RGMA: variants seen among roughly 807,000 people sequenced by gnomAD.
The protein encoded by RGMA is repulsive guidance molecule A.
RGMA carries 10 observed loss-of-function variants against 23.2 expected under a neutral mutation model. The observed-to-expected ratio is 0.43, with a 90% confidence interval of 0.27 to 0.73. The LOEUF (loss-of-function observed/expected upper bound fraction) is 0.73. Among genes scored for constraint, RGMA ranks in the 30% least tolerant of loss-of-function variants. The pLI is 0.20. For missense variants in RGMA, 547 were observed against 630.5 expected, an observed-to-expected ratio of 0.87 and a Z score of 1.42; for synonymous variants, 308 against 279.3, an observed-to-expected ratio of 1.10 and a Z score of -1.03.
intron 1 of RGMA, among the ~76,000 whole-genome samples, chr15:93,080,681 G>A (rs574826205): frequency 6.6e-6 from 1 of 152,232 alleles, no homozygotes; most frequent in South Asian, 2.1e-4. Flanking sequence ...GGCTGGGCTG[G>A]GGCCTTCCTG....
At chr15:93,048,551 G>A (rs1172501351) in intron 3 of RGMA, among the ~76,000 whole-genome samples, 1 of 152,128 alleles carries the variant, frequency 6.6e-6, no homozygotes, top group Non-Finnish European at 1.5e-5. Context: ...CCTTCCTACA[G>A]GGGTCCCAGC....
rs1895366919 is a variant in RGMA, at chr15:93,072,633, T to A, written c.130+283A>T. ...AGGAGGCACGTTCCCAGCCACCCCC[T>A]TTCTCGGAAAAAGGGAAGGGAGTGA... is the stretch of plus-strand genomic sequence containing the variant. On this transcript the variant is annotated intron_variant, in intron 2 of 3. Coordinates refer to ENST00000329082, the MANE Select transcript of RGMA (RefSeq NM_020211.3). 2.6e-5 allele frequency among the ~76,000 whole-genome samples: 4 copies of A among 152,098 alleles called. No homozygotes were observed. In the South Asian group the frequency reaches 8.3e-4, roughly 32 times the overall value.
Position 93,052,446 on chromosome 15 carries a change from G to C in RGMA, c.192C>G (p.Ser64Arg). ...NSEFWSATSGSHAPASDDTPE... is the reference protein window; with the variant it reads ...NSEFWSATSGRHAPASDDTPE... The stretch of plus-strand genomic sequence containing the variant: ...GGGTGTCGTCTGAGGCTGGGGCGTG[G>C]CTGCCCGACGTGGCGCTCCAGAACT... Residue 64 changes from serine to arginine, a missense_variant, in exon 3 of 4, where the codon AGC becomes AGG. Transcript: ENST00000329082. The C allele has an allele frequency of 6.3e-7, 1 of 1,592,120 alleles. No individual in the cohort carries two copies. Among genetic ancestry groups the C allele is most frequent in the Non-Finnish European group, 8.5e-7 (1 of 1,174,936 alleles).
intron 1 of RGMA, 159 bp from the exon 2 acceptor site, chr15:93,073,190 T>G: frequency 3.3e-6 from 4 of 1,201,382 alleles, no homozygotes; most frequent in South Asian, 3.5e-5. Context: ...CGCGCGCCCC[T>G]CCCTCGCCAT....
chr15:93,057,480 G>C (rs1239091960), intron 2 of RGMA, among the ~76,000 whole-genome samples: 3 of 152,152 alleles, frequency 2.0e-5, no homozygotes, highest in Non-Finnish European at 4.4e-5. Flanking sequence ...CTGAGAGCCG[G>C]GAGGAGGGCC....
chr15:93,069,995 C>T (rs186838020), intron 2 of RGMA, among the ~76,000 whole-genome samples: 185 of 152,336 alleles, frequency 1.2e-3, no homozygotes, highest in Non-Finnish European at 2.3e-3. Context: ...TTTCTGGCCT[C>T]CCTTCCTAGG....
At position 93,089,107 on chromosome 15, in the gene RGMA, T is replaced by A; in HGVS notation, c.-175A>T. 2 of 357,458 alleles carry A rather than the reference T, an allele frequency of 5.6e-6. No individual in the cohort carries two copies. The highest frequency in any genetic ancestry group is 5.0e-6 in the Non-Finnish European group (1 of 201,586). The allele number at this position is 357,458 out of a possible 1,614,324, so 22.1% of individuals were successfully genotyped here. A position where few individuals can be genotyped will look rare whatever the true frequency, so the allele number is the denominator to read the frequency against. Reference sequence around the variant, plus strand: ...GAGCGCCTCCTGCTCCCGGGCTGCATGCCTGCGAGCGCCTGGCGGAGCCGG... The same window carrying A: ...GAGCGCCTCCTGCTCCCGGGCTGCAAGCCTGCGAGCGCCTGGCGGAGCCGG... On this transcript the variant is annotated 5_prime_UTR_variant, in exon 1 of 4. The change abolishes an upstream ATG in the 5' untranslated region. Coordinates refer to ENST00000329082, the MANE Select transcript of RGMA (RefSeq NM_020211.3).
At position 93,061,892 on chromosome 15, in the gene RGMA, C is replaced by T. The variant is rs967924315; in HGVS notation, c.131-9385G>A. On this transcript the variant is annotated intron_variant, in intron 2 of 3. Transcript: ENST00000329082. ...CCAATAAGACTTATTTTGCAGTGCACGAGGGGGTGTGAAGGATCGACCCTG... is the reference window on the plus strand; with the variant it reads ...CCAATAAGACTTATTTTGCAGTGCATGAGGGGGTGTGAAGGATCGACCCTG... Among the ~76,000 whole-genome samples the T allele has an allele frequency of 2.6e-5, 4 of 152,190 alleles. No homozygotes were observed. The South Asian group carries it at 6.2e-4, about 24-fold the overall frequency.
At chr15:93,050,355 C>T (rs1357492271) in intron 3 of RGMA, among the ~76,000 whole-genome samples, 2 of 152,190 alleles carry the variant, frequency 1.3e-5, no homozygotes, top group Non-Finnish European at 2.9e-5. Flanking sequence ...ACGTTCTCAC[C>T]GGGGGACCAC....
chr15:93,072,891 G>A, intron 2 of RGMA, 25 bp downstream of exon 2: 1 of 1,584,384 alleles, frequency 6.3e-7, no homozygotes, highest in Non-Finnish European at 8.6e-7. Context: ...ACCCGGCCCC[G>A]CGCGCCCGGC....
chr15:93,071,411 G>A (rs1941394381), intron 2 of RGMA, among the ~76,000 whole-genome samples: 1 of 152,174 alleles, frequency 6.6e-6, no homozygotes. Flanking sequence ...CCCTGCGGAG[G>A]TTTTGACATT....
chr15:93,072,354 C>T lies in RGMA; in HGVS notation c.130+562G>A, dbSNP rs1305263338. On this transcript the variant is annotated intron_variant, in intron 2 of 3. Coordinates refer to ENST00000329082, the MANE Select transcript of RGMA (RefSeq NM_020211.3). ...CACAATAAAAACAAACAGGGGGCGA[C>T]GCAGAAAGTTATCAAACAGGAACAC... Among the ~76,000 whole-genome samples the T allele has an allele frequency of 3.3e-5, 5 of 152,312 alleles. No homozygotes were observed. The East Asian group carries it at 9.7e-4, about 29-fold the overall frequency.
chr15:93,066,335 G>A, intron 2 of RGMA: 1 of 800,016 alleles, frequency 1.2e-6, no homozygotes, highest in Non-Finnish European at 2.2e-6. Context: ...TGAACCATTT[G>A]ACAGTGCCCA....
intron 1 of RGMA, among the ~76,000 whole-genome samples, chr15:93,085,178 G>C (rs1393525542): frequency 6.6e-6 from 1 of 151,180 alleles, no homozygotes; most frequent in East Asian, 1.9e-4. Context: ...CTGTCAGCCA[G>C]GGTGAGCTGC....
chr15:93,079,369 G>A (rs754646343), intron 1 of RGMA, among the ~76,000 whole-genome samples: 1 of 152,178 alleles, frequency 6.6e-6, no homozygotes, highest in Non-Finnish European at 1.5e-5. Context: ...TCGTCTCCAG[G>A]CCTGTTTCTG....
intron 1 of RGMA, among the ~76,000 whole-genome samples, chr15:93,087,235 C>T (rs1326921723): frequency 2.0e-5 from 3 of 152,132 alleles, no homozygotes; most frequent in African/African-American, 7.2e-5. Context: ...ACCGGGTGAG[C>T]CCAGCTCACT....
chr15:93,065,482 T>G, intron 2 of RGMA: 1 of 466,338 alleles, frequency 2.1e-6, no homozygotes, highest in Non-Finnish European at 4.0e-6. Flanking sequence ...TTTGATGCCA[T>G]GAATTATGGG....
At position 93,088,955 on chromosome 15, in the gene RGMA, G is replaced by A. The variant is rs1309684703; in HGVS notation, c.-23C>T. 13 of 1,390,652 alleles carry A rather than the reference G, an allele frequency of 9.3e-6. No individual in the cohort carries two copies. The highest frequency in any genetic ancestry group is 9.3e-6 in the Non-Finnish European group (10 of 1,079,412). The allele number at this position is 1,390,652 out of a possible 1,614,324, so 86.1% of individuals were successfully genotyped here. On this transcript the variant is annotated 5_prime_UTR_variant, in exon 1 of 4. Coordinates refer to ENST00000329082, the MANE Select transcript of RGMA (RefSeq NM_020211.3). ...CATGAGCCCCTGCGGCCCGCGGGGG[G>A]TGGCGCTGGCGGGGCTGCGGGAGAA...
At position 93,036,192 on chromosome 15, in the gene RGMA, G is replaced by A. The variant is rs2054658806; in HGVS notation, c.*8806C>T. 6.6e-6 allele frequency: 1 copy of A among 152,244 alleles called. No individual in the cohort carries two copies. Among genetic ancestry groups the A allele is most frequent in the Admixed American group, 6.5e-5 (1 of 15,286 alleles). 9.4% of individuals were successfully genotyped at this position (152,244 alleles called of 1,614,324 possible). A position where few individuals can be genotyped will look rare whatever the true frequency, so the allele number is the denominator to read the frequency against. ...ACCACAGCTGTACTGCCGACATCAA[G>A]CATAGCCCCCCAGCTCATCACGGGG... is the stretch of plus-strand genomic sequence containing the variant. On this transcript the variant is annotated 3_prime_UTR_variant, in exon 4 of 4. Transcript: ENST00000329082.
Sources: gnomAD v4.1 joint callset for allele counts (sites outside exome capture counted in the v4.1 genomes callset) on GRCh38, gnomAD v4.1.1 for gene constraint, MANE v1.5 for transcripts, NCBI Gene and HGNC (gene_info 2026-07-23, HGNC 2026-07-21) for gene names.